Variants in HMGN5 observed in about 807,000 individuals in gnomAD.
HMGN5 encodes the protein high mobility group nucleosome binding domain 5.
A neutral mutation model predicts 9.5 loss-of-function variants in HMGN5; 4 were observed. The ratio of observed to expected loss-of-function variants is 0.42; its 90% CI spans 0.21 to 0.96. The LOEUF (loss-of-function observed/expected upper bound fraction) is 0.96, where lower values mean the gene tolerates loss of function less well. Ranked by LOEUF, HMGN5 falls within the 40% of genes least tolerant of loss-of-function variation. The pLI, the probability that HMGN5 is intolerant of heterozygous loss-of-function variation, is 0.30. For missense variants in HMGN5, 192 were observed against 187.5 expected (o/e 1.02, Z -0.14); for synonymous variants, 55 against 57.1 (o/e 0.96, Z 0.16).
intron 1 of HMGN5, among the ~76,000 whole-genome samples, chrX:81,142,077 C>A (rs1435255262): frequency 4.5e-5 from 5 of 111,835 alleles, no homozygotes; most frequent in African/African-American, 9.7e-5. Context: ...AAGAACATAT[C>A]AAAGTCTTTT....
intron 1 of HMGN5, among the ~76,000 whole-genome samples, chrX:81,167,481 CACAA>C (rs1321198778): frequency 9.0e-6 from 1 of 111,316 alleles, no homozygotes; most frequent in Non-Finnish European, 1.9e-5. Flanking sequence ...CACACACACA[CACAA>C]ACATATAACT....
chrX:81,161,601 G>A (rs2075397837), intron 1 of HMGN5, among the ~76,000 whole-genome samples: 1 of 110,766 alleles, frequency 9.0e-6, no homozygotes, highest in African/African-American at 3.3e-5. Flanking sequence ...GGACCAGGAA[G>A]CAGAGGAGTA....
intron 1 of HMGN5, among the ~76,000 whole-genome samples, chrX:81,171,852 T>C (rs1230951263): frequency 1.8e-5 from 2 of 111,241 alleles, no homozygotes; most frequent in Non-Finnish European, 3.8e-5. Flanking sequence ...TTATGATACA[T>C]TACTGAAATT....
chrX:81,152,137 C>G lies in HMGN5; in HGVS notation c.-123-30465G>C, dbSNP rs760705569. ...AGCAATGGCAACAAAAGCCAAAATTCACAAATGGGATCTAATTAAACTAAA... is the reference window on the plus strand; with the variant it reads ...AGCAATGGCAACAAAAGCCAAAATTGACAAATGGGATCTAATTAAACTAAA... On this transcript the variant is annotated intron_variant, in intron 1 of 6. Coordinates refer to ENST00000358130, the MANE Select transcript of HMGN5 (RefSeq NM_030763.3). Among the ~76,000 whole-genome samples the G allele has an allele frequency of 3.4e-3, 375 of 111,447 alleles. 2 individuals are homozygous for G. Among genetic ancestry groups the G allele is most frequent in the African/African-American group, 0.012 (354 of 30,610 alleles).
chrX:81,141,745 C>T (rs1175767675), intron 1 of HMGN5, among the ~76,000 whole-genome samples: 1 of 111,419 alleles, frequency 9.0e-6, no homozygotes. Flanking sequence ...CAAACAAGCC[C>T]AGACAATGAA....
At chrX:81,136,497 T>C (rs778520381) in intron 1 of HMGN5, among the ~76,000 whole-genome samples, 1 of 111,603 alleles carries the variant, frequency 9.0e-6, no homozygotes, top group African/African-American at 3.2e-5. Flanking sequence ...AAGTCACATA[T>C]GTGTATTGTA....
At chrX:81,131,967 A>G (rs1407841755) in intron 1 of HMGN5, among the ~76,000 whole-genome samples, 1 of 111,558 alleles carries the variant, frequency 9.0e-6, no homozygotes, top group Non-Finnish European at 1.9e-5. Context: ...CAAAAACCCC[A>G]TCATCTCAGC....
intron 1 of HMGN5, among the ~76,000 whole-genome samples, chrX:81,163,748 A>T (rs1033549164): frequency 7.2e-5 from 8 of 111,748 alleles, no homozygotes; most frequent in African/African-American, 1.6e-4. Context: ...TAAGGATAAG[A>T]GGTATACATA....
At chrX:81,126,992 A>T (rs2075285766) in intron 1 of HMGN5, among the ~76,000 whole-genome samples, 1 of 111,465 alleles carries the variant, frequency 9.0e-6, no homozygotes. Context: ...CATGAAATAG[A>T]CTTTTAAAAT....
In HMGN5 at chrX:81,114,810, C is replaced by T; in HGVS notation, c.688G>A (p.Glu230Lys). 8.6e-7 allele frequency: 1 copy of T among 1,161,010 alleles called. No homozygotes were observed. Among genetic ancestry groups the T allele is most frequent in the Non-Finnish European group, 1.1e-6 (1 of 870,755 alleles). ...KKEGKDVKVK[E>K]DEKEREDGKE... Reference sequence around the variant, plus strand: ...CCATCTTCTCTCTCTTTTTCATCTTCTTTGACTTTTACATCTTTCCCCTCT... The same window carrying T: ...CCATCTTCTCTCTCTTTTTCATCTTTTTTGACTTTTACATCTTTCCCCTCT... The change falls in exon 7 of 7, where the codon GAA becomes AAA. Residue 230 changes from glutamate (E) to lysine (K), a missense_variant. Transcript: ENST00000358130.
At chrX:81,117,991 T>C (rs2075259057) in intron 5 of HMGN5, among the ~76,000 whole-genome samples, 1 of 110,210 alleles carries the variant, frequency 9.1e-6, no homozygotes, top group African/African-American at 3.3e-5. Context: ...AAAATTAACA[T>C]ATGCAAATAC....
At chrX:81,117,659 CTTCTT>C (rs1451555718) in intron 5 of HMGN5, among the ~76,000 whole-genome samples, 1 of 110,697 alleles carries the variant, frequency 9.0e-6, no homozygotes, top group Admixed American at 9.7e-5. Flanking sequence ...AAAAAAAAAC[CTTCTT>C]TTCTTTTGTC....
chrX:81,181,970 G>A (rs1602580995), intron 1 of HMGN5, among the ~76,000 whole-genome samples: 1 of 111,380 alleles, frequency 9.0e-6, no homozygotes, highest in African/African-American at 3.3e-5. Context: ...CCTAGGAGTG[G>A]GATTGCTGGA....
At chrX:81,140,663 G>C (rs1171516058) in intron 1 of HMGN5, among the ~76,000 whole-genome samples, 1 of 110,334 alleles carries the variant, frequency 9.1e-6, no homozygotes, top group Non-Finnish European at 1.9e-5. Context: ...ACGATTACCT[G>C]GTACTACGTC....
chrX:81,115,505 T>C (rs912830700), intron 6 of HMGN5, among the ~76,000 whole-genome samples: 11 of 112,391 alleles, frequency 9.8e-5, no homozygotes, highest in African/African-American at 3.5e-4. Context: ...ATTTCAAATA[T>C]GAAGAAGCAC....
intron 1 of HMGN5, among the ~76,000 whole-genome samples, chrX:81,169,469 T>G (rs1355491797): frequency 1.8e-5 from 2 of 111,742 alleles, no homozygotes; most frequent in African/African-American, 6.5e-5. Flanking sequence ...CTTGGAGAAC[T>G]GCTTGAAAAA....
intron 1 of HMGN5, among the ~76,000 whole-genome samples, chrX:81,151,498 G>T (rs1380275708): frequency 9.1e-6 from 1 of 109,729 alleles, no homozygotes. Context: ...GTCATTGGTA[G>T]CTTGATGGGG....
chrX:81,146,962 C>T (rs2075346383), intron 1 of HMGN5, among the ~76,000 whole-genome samples: 1 of 111,460 alleles, frequency 9.0e-6, no homozygotes, highest in African/African-American at 3.3e-5. Flanking sequence ...AAGTCAAATC[C>T]CTGAATAGAC....
chrX:81,140,830 CG>C (rs2075327140), intron 1 of HMGN5, among the ~76,000 whole-genome samples: 2 of 110,995 alleles, frequency 1.8e-5, no homozygotes, highest in South Asian at 7.6e-4. Flanking sequence ...AGCATGGCCA[CG>C]GGGGGATAGT....
Sources: gnomAD v4.1 joint callset for allele counts (sites outside exome capture counted in the v4.1 genomes callset) on GRCh38, gnomAD v4.1.1 for gene constraint, MANE v1.5 for transcripts, NCBI Gene and HGNC (gene_info 2026-07-23, HGNC 2026-07-21) for gene names.